C1QTNF7: variants seen among roughly 807,000 people sequenced by gnomAD.
The protein encoded by C1QTNF7 is complement C1q tumor necrosis factor-related protein 7.
C1QTNF7 carries 15 observed loss-of-function variants against 19.6 expected under a neutral mutation model. The observed-to-expected ratio is 0.76, with a 90% confidence interval of 0.51 to 1.18. The LOEUF is 1.18. Among genes scored for constraint, C1QTNF7 ranks in the 50% most tolerant of loss-of-function variants. The probability of loss-of-function intolerance (pLI) is 0.00; values close to 1 mark genes in which losing one functional copy is unlikely to be tolerated. For synonymous variants in C1QTNF7, 142 were observed against 137.5 expected (o/e 1.03, Z -0.23); for missense variants, 324 against 359.7 (o/e 0.90, Z 0.80).
chr4:15,408,672 G>C (rs890948030), intron 1 of C1QTNF7, among the ~76,000 whole-genome samples: 13 of 152,126 alleles, frequency 8.5e-5, no homozygotes, highest in South Asian at 4.1e-4. Flanking sequence ...CCCAAAGAAG[G>C]CTCTAAGCTC....
chr4:15,430,280 G>A (rs1413855673), intron 1 of C1QTNF7, among the ~76,000 whole-genome samples: 1 of 152,154 alleles, frequency 6.6e-6, no homozygotes, highest in Non-Finnish European at 1.5e-5. Flanking sequence ...GGACAGACGT[G>A]TTCAAGATTA....
intron 1 of C1QTNF7, among the ~76,000 whole-genome samples, chr4:15,360,252 C>T (rs1717290061): frequency 6.6e-6 from 1 of 152,110 alleles, no homozygotes; most frequent in Non-Finnish European, 1.5e-5. Context: ...AAAATACATA[C>T]AGCTAATTCT....
At chr4:15,340,250 T>C (rs948990842) in intron 1 of C1QTNF7, 5 of 1,548,188 alleles carry the variant, frequency 3.2e-6, no homozygotes, top group East Asian at 2.4e-5. Context: ...TTTTCCCTCC[T>C]ATTCGGCCTT....
At chr4:15,399,059 G>C (rs983841536) in intron 1 of C1QTNF7, among the ~76,000 whole-genome samples, 2 of 152,130 alleles carry the variant, frequency 1.3e-5, no homozygotes, top group Admixed American at 6.5e-5. Flanking sequence ...TCCCCCACCA[G>C]TCTAGCATTC....
At chr4:15,431,818 T>G (rs1712324351) in intron 1 of C1QTNF7, among the ~76,000 whole-genome samples, 1 of 152,206 alleles carries the variant, frequency 6.6e-6, no homozygotes, top group African/African-American at 2.4e-5. Context: ...GCTTACATTC[T>G]ATCAGGAAAA....
chr4:15,429,700 G>A (rs1353959641), intron 1 of C1QTNF7, among the ~76,000 whole-genome samples: 1 of 152,090 alleles, frequency 6.6e-6, no homozygotes, highest in Non-Finnish European at 1.5e-5. Flanking sequence ...ATATGGCTAT[G>A]CAAATATCTG....
intron 1 of C1QTNF7, among the ~76,000 whole-genome samples, chr4:15,350,668 T>G (rs918785539): frequency 1.3e-5 from 2 of 152,176 alleles, no homozygotes; most frequent in African/African-American, 4.8e-5. Flanking sequence ...AGACTGCCAT[T>G]GCTATATTGG....
Position 15,435,913 on chromosome 4 carries a change from G to T in C1QTNF7, c.170G>T (p.Arg57Leu), listed in dbSNP as rs137951137. 4.3e-6 allele frequency: 7 copies of T among 1,613,940 alleles called. No homozygotes were observed. The African/African-American group carries it at 8.0e-5, about 18-fold the overall frequency. ...AATGGTTCCCCTGGGCCCCATGGTC[G>T]CATCGGCCTTCCAGGAAGAGATGGT... ...GANGSPGPHG[R>L]IGLPGRDGRD... Residue 57 changes from arginine to leucine, a missense_variant, in exon 2 of 3, where the codon CGC (arginine) becomes CTC (leucine). Coordinates refer to ENST00000444304, the MANE Select transcript of C1QTNF7 (RefSeq NM_031911.5).
At chr4:15,353,218 G>A (rs1716995699) in intron 1 of C1QTNF7, among the ~76,000 whole-genome samples, 1 of 152,088 alleles carries the variant, frequency 6.6e-6, no homozygotes, top group South Asian at 2.1e-4. Context: ...AAAAGCCAGT[G>A]ACATTTTGTG....
chr4:15,430,654 T>C (rs1444400194), intron 1 of C1QTNF7, among the ~76,000 whole-genome samples: 1 of 152,228 alleles, frequency 6.6e-6, no homozygotes. Context: ...TTAAAAATTA[T>C]TGTAATGTTT....
intron 1 of C1QTNF7, among the ~76,000 whole-genome samples, chr4:15,405,171 G>A (rs949528739): frequency 6.6e-6 from 1 of 152,180 alleles, no homozygotes; most frequent in African/African-American, 2.4e-5. Flanking sequence ...AGACATTAGG[G>A]AATGAAGCTG....
intron 1 of C1QTNF7, among the ~76,000 whole-genome samples, chr4:15,361,977 C>T (rs1478020023): frequency 1.3e-5 from 2 of 152,080 alleles, no homozygotes; most frequent in East Asian, 1.9e-4. Context: ...TTCCTCCCCT[C>T]GAGGGGCAAA....
intron 1 of C1QTNF7, among the ~76,000 whole-genome samples, chr4:15,363,848 C>T (rs1288285086): frequency 2.0e-5 from 3 of 152,140 alleles, no homozygotes; most frequent in African/African-American, 7.2e-5. Flanking sequence ...AAAGTGATAT[C>T]CAGAAAGATG....
At chr4:15,435,617 C>A in intron 1 of C1QTNF7, 119 bp from the exon 2 acceptor site, 1 of 1,396,222 alleles carries the variant, frequency 7.2e-7, no homozygotes, top group Non-Finnish European at 9.8e-7. Context: ...TCTGGAAAGA[C>A]GAACACTGGA....
intron 2 of C1QTNF7, among the ~76,000 whole-genome samples, chr4:15,438,243 C>A (rs1712615276): frequency 6.6e-6 from 1 of 152,102 alleles, no homozygotes; most frequent in South Asian, 2.1e-4. Flanking sequence ...ACAATATACA[C>A]ACATAGGATA....
chr4:15,342,780 T>C (rs1423773169), intron 1 of C1QTNF7, among the ~76,000 whole-genome samples: 1 of 152,198 alleles, frequency 6.6e-6, no homozygotes, highest in African/African-American at 2.4e-5. Context: ...ATTATTATAA[T>C]AGGAGGATAA....
intron 1 of C1QTNF7, among the ~76,000 whole-genome samples, chr4:15,357,831 C>G (rs1338840464): frequency 1.3e-5 from 2 of 152,030 alleles, no homozygotes; most frequent in Non-Finnish European, 2.9e-5. Flanking sequence ...TAGGTATTTT[C>G]TTCTCTTTGT....
At chr4:15,407,627 T>C (rs1245701734) in intron 1 of C1QTNF7, among the ~76,000 whole-genome samples, 1 of 152,178 alleles carries the variant, frequency 6.6e-6, no homozygotes, top group Non-Finnish European at 1.5e-5. Context: ...TGTGGTCTAC[T>C]GAATTGGATC....
chr4:15,439,807 T>C (rs533586167), intron 2 of C1QTNF7, among the ~76,000 whole-genome samples: 10 of 152,220 alleles, frequency 6.6e-5, no homozygotes, highest in Admixed American at 2.0e-4. Context: ...GGCCATAAAA[T>C]TGAATGATAT....
Sources: allele counts gnomAD v4.1 joint callset (sites outside exome capture counted in the v4.1 genomes callset), GRCh38; gene constraint gnomAD v4.1.1; transcripts MANE v1.5; gene names NCBI Gene and HGNC (gene_info 2026-07-23, HGNC 2026-07-21).